The following FSTL5 variants were observed in gnomAD, a reference collection of about 807,000 sequenced individuals.
The protein encoded by FSTL5 is follistatin like 5.
FSTL5 carries 62 observed loss-of-function variants against 89.1 expected under a neutral mutation model. The observed-to-expected ratio is 0.70, with a 90% confidence interval of 0.57 to 0.86. The LOEUF is 0.86. Ranked by LOEUF, FSTL5 falls within the 40% of genes least tolerant of loss-of-function variation. The pLI is 0.00. For synonymous variants in FSTL5, 383 were observed against 346.2 expected (o/e 1.11, Z -1.18); for missense variants, 1,057 against 1,001.6 (o/e 1.06, Z -0.75).
rs796222413 is a variant in FSTL5, at chr4:162,121,950, ATTTCT to A, written c.-16-10543_-16-10539del. ...TCTTCCTTATGGTTTTCTTAATAAC[ATTTCT>A]TTTCTCCAGTTTACTTTATTGTAAG... On this transcript the variant is annotated intron_variant, in intron 1 of 15. Coordinates refer to ENST00000306100, the MANE Select transcript of FSTL5 (RefSeq NM_020116.5). Among the ~76,000 whole-genome samples, 91 of 151,838 alleles carry A rather than the reference ATTTCT, an allele frequency of 6.0e-4. 1 individual carries two copies. In the South Asian group the frequency reaches 8.9e-3, roughly 15 times the overall value.
At chr4:161,738,857 C>A (rs916747662) in intron 6 of FSTL5, among the ~76,000 whole-genome samples, 20 of 152,226 alleles carry the variant, frequency 1.3e-4, no homozygotes, top group African/African-American at 4.8e-4. Flanking sequence ...CACATATTTA[C>A]ATATTTGGTT....
chr4:161,504,477 TG>T (rs1730407518), intron 11 of FSTL5, among the ~76,000 whole-genome samples: 1 of 142,822 alleles, frequency 7.0e-6, no homozygotes, highest in Admixed American at 7.2e-5. Flanking sequence ...TTTTCGTTTT[TG>T]TTTTTTTTTT....
chr4:162,020,424 A>G (rs145432108), intron 3 of FSTL5, among the ~76,000 whole-genome samples: 137 of 152,266 alleles, frequency 9.0e-4, no homozygotes, highest in Middle Eastern at 3.4e-3. Context: ...AAGGCACTCA[A>G]TAAATTATAA....
chr4:161,620,004 C>T (rs1019636001), intron 7 of FSTL5, among the ~76,000 whole-genome samples: 1 of 151,974 alleles, frequency 6.6e-6, no homozygotes, highest in Admixed American at 6.6e-5. Context: ...GAATACCATG[C>T]AGCCATAAAA....
chr4:161,473,410 CTT>C (rs199893949), intron 13 of FSTL5, among the ~76,000 whole-genome samples: 1 of 141,478 alleles, frequency 7.1e-6, no homozygotes, highest in Admixed American at 7.5e-5. Context: ...TTATCTCCCT[CTT>C]TGTCTCTTGT....
intron 5 of FSTL5, 91 bp downstream of exon 5, chr4:161,775,787 C>T (rs1225364122): frequency 2.0e-5 from 13 of 647,808 alleles, no homozygotes; most frequent in Non-Finnish European, 2.7e-5. Flanking sequence ...ATCAAATATA[C>T]ATTTTTTCAT....
At chr4:162,146,272 A>G (rs1174221396) in intron 1 of FSTL5, among the ~76,000 whole-genome samples, 5 of 152,124 alleles carry the variant, frequency 3.3e-5, no homozygotes, top group Non-Finnish European at 7.4e-5. Context: ...TATCCATCTG[A>G]AGAATATTTC....
intron 3 of FSTL5, among the ~76,000 whole-genome samples, chr4:161,965,283 G>T (rs1735291244): frequency 6.6e-6 from 1 of 152,028 alleles, no homozygotes; most frequent in South Asian, 2.1e-4. Flanking sequence ...TAGGACTAGA[G>T]AATGTTTGTA....
intron 3 of FSTL5, among the ~76,000 whole-genome samples, chr4:162,028,138 AG>A (rs1737372826): frequency 6.6e-6 from 1 of 152,194 alleles, no homozygotes; most frequent in Admixed American, 6.6e-5. Context: ...TCAAGGAGTA[AG>A]TTTTCTCGTC....
Position 162,071,815 on chromosome 4 carries a change from A to C in FSTL5, c.127-38157T>G, listed in dbSNP as rs557754716. On this transcript the variant is annotated intron_variant, in intron 2 of 15. Coordinates refer to ENST00000306100, the MANE Select transcript of FSTL5 (RefSeq NM_020116.5). ...GCATCTTCAGACCACAATGGAATAAAGCTAGAAATCAATAATAAAAAATCT... is the reference window on the plus strand; with the variant it reads ...GCATCTTCAGACCACAATGGAATAACGCTAGAAATCAATAATAAAAAATCT... Among the ~76,000 whole-genome samples the C allele has an allele frequency of 5.9e-5, 9 of 152,010 alleles. No individual in the cohort carries two copies. The South Asian group carries it at 1.0e-3, about 17-fold the overall frequency.
At chr4:162,157,754 C>G (rs910540189) in intron 1 of FSTL5, among the ~76,000 whole-genome samples, 1 of 152,014 alleles carries the variant, frequency 6.6e-6, no homozygotes, top group Non-Finnish European at 1.5e-5. Context: ...ATAAAGACAA[C>G]CAAAAACTTG....
chr4:161,614,887 G>A (rs1291036582), intron 7 of FSTL5, among the ~76,000 whole-genome samples: 1 of 151,902 alleles, frequency 6.6e-6, no homozygotes, highest in East Asian at 1.9e-4. Flanking sequence ...ATATATGAAC[G>A]CTTAATTATC....
intron 12 of FSTL5, among the ~76,000 whole-genome samples, chr4:161,487,389 C>T (rs1213808357): frequency 6.6e-6 from 1 of 152,122 alleles, no homozygotes; most frequent in African/African-American, 2.4e-5. Context: ...TGCCAGTTGG[C>T]ATACAATTTG....
intron 15 of FSTL5, among the ~76,000 whole-genome samples, chr4:161,430,956 T>C (rs1004394423): frequency 8.6e-5 from 13 of 151,842 alleles, no homozygotes; most frequent in African/African-American, 3.1e-4. Flanking sequence ...GAATAGTATA[T>C]GTAGCAGAAA....
intron 2 of FSTL5, among the ~76,000 whole-genome samples, chr4:162,048,935 G>C (rs1738292935): frequency 6.6e-6 from 1 of 151,968 alleles, no homozygotes; most frequent in South Asian, 2.1e-4. Context: ...GTAGACAAAG[G>C]GTCTTAAGAC....
At chr4:161,789,181 TC>T (rs2126818181) in intron 4 of FSTL5, among the ~76,000 whole-genome samples, 1 of 152,266 alleles carries the variant, frequency 6.6e-6, no homozygotes, top group Admixed American at 6.5e-5. Flanking sequence ...TACTTTTTTT[TC>T]CTCTTAGGCT....
intron 4 of FSTL5, among the ~76,000 whole-genome samples, chr4:161,849,407 C>T (rs984469269): frequency 2.0e-5 from 3 of 151,262 alleles, no homozygotes; most frequent in Non-Finnish European, 2.9e-5. Flanking sequence ...TTAAAACTGC[C>T]GGAAAAAAAA....
intron 7 of FSTL5, among the ~76,000 whole-genome samples, chr4:161,636,800 T>A (rs1735733712): frequency 7.1e-6 from 1 of 141,034 alleles, no homozygotes; most frequent in Non-Finnish European, 1.5e-5. Context: ...ACTCATCATT[T>A]TTTATGGCTG....
chr4:161,829,967 A>AT (rs751180498), intron 4 of FSTL5, among the ~76,000 whole-genome samples: 7 of 152,066 alleles, frequency 4.6e-5, no homozygotes, highest in Non-Finnish European at 8.8e-5. Flanking sequence ...AATCAGAACC[A>AT]TTTTTTGAGA....
Sources: gnomAD v4.1 joint callset for allele counts (sites outside exome capture counted in the v4.1 genomes callset) on GRCh38, gnomAD v4.1.1 for gene constraint, MANE v1.5 for transcripts, NCBI Gene and HGNC (gene_info 2026-07-23, HGNC 2026-07-21) for gene names.